The following SPATA16 variants were observed in gnomAD, a reference collection of about 807,000 sequenced individuals.
SPATA16 encodes the protein spermatogenesis-associated protein 16.
SPATA16 carries 36 observed loss-of-function variants against 63.3 expected under a neutral mutation model. The observed-to-expected ratio is 0.57, with a 90% CI of 0.44 to 0.75. SPATA16 has a LOEUF of 0.75. Ranked by LOEUF, SPATA16 falls within the 30% of genes least tolerant of loss-of-function variation. SPATA16 has a pLI of 0.00. For synonymous variants in SPATA16, 203 were observed against 216.7 expected (o/e 0.94, Z 0.56); for missense variants, 646 against 679.3 (o/e 0.95, Z 0.54).
chr3:173,116,299 A>G (rs1737897283), intron 2 of SPATA16, among the ~76,000 whole-genome samples: 1 of 152,240 alleles, frequency 6.6e-6, no homozygotes, highest in Non-Finnish European at 1.5e-5. Flanking sequence ...TCCAGTGCCC[A>G]GCAGGCATAT....
At chr3:173,062,499 C>T (rs1736402776) in intron 2 of SPATA16, among the ~76,000 whole-genome samples, 1 of 152,090 alleles carries the variant, frequency 6.6e-6, no homozygotes, top group Admixed American at 6.6e-5. Flanking sequence ...TACATTGTAT[C>T]CCATTAAATA....
intron 4 of SPATA16, among the ~76,000 whole-genome samples, chr3:172,984,860 C>T (rs1401164346): frequency 6.6e-6 from 1 of 152,166 alleles, no homozygotes; most frequent in African/African-American, 2.4e-5. Flanking sequence ...GTAACAGCAG[C>T]TGATATTTAC....
intron 3 of SPATA16, among the ~76,000 whole-genome samples, chr3:173,037,394 CA>C (rs1433683852): frequency 6.6e-6 from 1 of 151,980 alleles, no homozygotes; most frequent in Non-Finnish European, 1.5e-5. Context: ...AAAAACAAAG[CA>C]AAATGATAAG....
chr3:173,005,533 A>G (rs1560094188), intron 4 of SPATA16, among the ~76,000 whole-genome samples: 1 of 152,150 alleles, frequency 6.6e-6, no homozygotes, highest in Non-Finnish European at 1.5e-5. Flanking sequence ...CTCTGCCACA[A>G]GTTTTCTAAA....
rs377388139 is a variant in SPATA16, at chr3:173,018,673, C to T, written c.848+813G>A. On this transcript the variant is annotated intron_variant, in intron 4 of 10. Transcript: ENST00000351008. Reference sequence around the variant, plus strand: ...ACAGTAGTCACCTGCAACCTAGGCACCCCATCTCGATTCCTGCAGATTTAT... The same window carrying T: ...ACAGTAGTCACCTGCAACCTAGGCATCCCATCTCGATTCCTGCAGATTTAT... Among the ~76,000 whole-genome samples the T allele has an allele frequency of 7.9e-4, 121 of 152,240 alleles. 4 individuals carry two copies. The South Asian group carries it at 0.024, about 31-fold the overall frequency.
intron 3 of SPATA16, among the ~76,000 whole-genome samples, chr3:173,022,836 T>C (rs1309930085): frequency 6.6e-6 from 1 of 151,928 alleles, no homozygotes; most frequent in African/African-American, 2.4e-5. Flanking sequence ...GATTTAGCTA[T>C]GCTGATAGGG....
chr3:173,094,649 T>C (rs1433554623), intron 2 of SPATA16, among the ~76,000 whole-genome samples: 1 of 151,826 alleles, frequency 6.6e-6, no homozygotes. Context: ...AGATCATGGA[T>C]TGATGCAAAT....
chr3:172,926,141 C>G (rs2109579939), intron 6 of SPATA16, among the ~76,000 whole-genome samples: 1 of 151,726 alleles, frequency 6.6e-6, no homozygotes, highest in East Asian at 1.9e-4. Context: ...TTTGATTTTT[C>G]TCTTCCTAGC....
intron 2 of SPATA16, among the ~76,000 whole-genome samples, chr3:173,084,443 A>G (rs944666956): frequency 6.6e-6 from 1 of 152,148 alleles, no homozygotes; most frequent in African/African-American, 2.4e-5. Flanking sequence ...CATAGATGGC[A>G]AAAATTTTCT....
chr3:172,909,657 T>G (rs139670366), intron 10 of SPATA16, among the ~76,000 whole-genome samples: 4 of 152,318 alleles, frequency 2.6e-5, no homozygotes, highest in African/African-American at 9.6e-5. Flanking sequence ...TCCAGCCCCA[T>G]GCATGGAAGC....
intron 5 of SPATA16, among the ~76,000 whole-genome samples, chr3:172,971,596 C>G (rs1007112690): frequency 6.6e-6 from 1 of 152,146 alleles, no homozygotes; most frequent in African/African-American, 2.4e-5. Flanking sequence ...TTGTTCACTC[C>G]TGTATCTCCA....
chr3:172,912,466 A>G (rs974768841), intron 10 of SPATA16, among the ~76,000 whole-genome samples: 1 of 152,078 alleles, frequency 6.6e-6, no homozygotes, highest in Non-Finnish European at 1.5e-5. Context: ...TTTTGTACAT[A>G]CAGTGGACTC....
intron 2 of SPATA16, among the ~76,000 whole-genome samples, chr3:173,075,306 G>C (rs889142274): frequency 2.0e-5 from 3 of 152,038 alleles, no homozygotes; most frequent in African/African-American, 7.2e-5. Flanking sequence ...GTGTAAAAAG[G>C]GAAACCCTTG....
chr3:172,921,560 G>GAA (rs10682331), intron 8 of SPATA16, among the ~76,000 whole-genome samples: 2,900 of 149,296 alleles, frequency 0.019, 27 homozygotes, highest in Middle Eastern at 0.059. Context: ...GTAAGCTAAG[G>GAA]AAAAAAAAAA....
intron 6 of SPATA16, among the ~76,000 whole-genome samples, chr3:172,955,255 G>A (rs968511527): frequency 2.0e-5 from 3 of 152,144 alleles, no homozygotes; most frequent in African/African-American, 7.2e-5. Context: ...TGGCAAACTG[G>A]TGATCTCCTC....
intron 10 of SPATA16, among the ~76,000 whole-genome samples, chr3:172,896,650 G>GTA (rs1164857799): frequency 1.3e-3 from 203 of 152,276 alleles, no homozygotes; most frequent in African/African-American, 4.8e-3. Context: ...CATTTTAATA[G>GTA]GTGTGTAGTG....
chr3:173,016,629 A>T (rs1176639526), intron 4 of SPATA16, among the ~76,000 whole-genome samples: 5 of 152,230 alleles, frequency 3.3e-5, no homozygotes, highest in Non-Finnish European at 7.3e-5. Context: ...AATAACCTTG[A>T]TGTGTTGTCT....
chr3:173,139,521 AC>A (rs1456172657), intron 1 of SPATA16, among the ~76,000 whole-genome samples: 6 of 152,138 alleles, frequency 3.9e-5, no homozygotes, highest in Non-Finnish European at 8.8e-5. Context: ...GGATTTAAAA[AC>A]CCTTGAGCAT....
rs1488229538 is a variant in SPATA16, at chr3:172,956,688, T to C, written c.1070A>G (p.Tyr357Cys). 1.9e-6 allele frequency: 3 copies of C among 1,611,772 alleles called. No individual in the cohort carries two copies. The highest frequency in any genetic ancestry group is 2.7e-5 in the African/African-American group (2 of 74,856). The stretch of plus-strand genomic sequence containing the variant: ...ATATTGAATCTTACCTGTGTACATA[T>C]ACTCTGCATATGCAGGATGAGTTTT... ...FTKTHPAYAE[Y>C]MYTDLQALHM... Residue 357 changes from tyrosine (Y) to cysteine (C), a missense_variant, in exon 6 of 11, where the codon TAT (tyrosine) becomes TGT (cysteine). Coordinates refer to ENST00000351008, the MANE Select transcript of SPATA16 (RefSeq NM_031955.6).
Sources: gnomAD v4.1 joint callset for allele counts (sites outside exome capture counted in the v4.1 genomes callset) on GRCh38, gnomAD v4.1.1 for gene constraint, MANE v1.5 for transcripts, NCBI Gene and HGNC (gene_info 2026-07-23, HGNC 2026-07-21) for gene names.